Variants in ITGBL1 observed in about 807,000 individuals in gnomAD.
ITGBL1 encodes integrin subunit beta like 1.
Under a neutral mutation model 68.5 loss-of-function variants are expected in ITGBL1, and 51 were observed. The ratio of observed to expected loss-of-function variants is 0.74; its 90% CI spans 0.59 to 0.94. ITGBL1 has a LOEUF of 0.94. Ranked by LOEUF, ITGBL1 falls within the 40% of genes least tolerant of loss-of-function variation. The pLI is 0.00. For missense variants in ITGBL1, 649 were observed against 647.4 expected, an observed-to-expected ratio of 1.00 and a Z score of -0.03; for synonymous variants, 209 against 227.3, an observed-to-expected ratio of 0.92 and a Z score of 0.72.
At chr13:101,642,281 T>A (rs2032407629) in intron 7 of ITGBL1, among the ~76,000 whole-genome samples, 1 of 152,202 alleles carries the variant, frequency 6.6e-6, no homozygotes, top group Non-Finnish European at 1.5e-5. Flanking sequence ...GGTATCTCAT[T>A]GTGGTTTTGA....
rs548399713 is a variant in ITGBL1 at position 101,690,806 on chromosome 13, C to CA, written c.1016-1771dup. ...GTCATGGATCCTTCTGACATTTTAC[C>CA]AAAAAAAATGTGTATTGGTATATTT... is the stretch of plus-strand genomic sequence containing the variant. On this transcript the variant is annotated intron_variant, in intron 7 of 10. Coordinates refer to ENST00000376180, the MANE Select transcript of ITGBL1 (RefSeq NM_004791.3). Among the ~76,000 whole-genome samples, 15 of 151,618 alleles carry CA rather than the reference C, an allele frequency of 9.9e-5. No individual in the cohort carries two copies. The South Asian group carries it at 1.0e-3, about 11-fold the overall frequency.
At chr13:101,502,695 T>C (rs942402372) in intron 2 of ITGBL1, among the ~76,000 whole-genome samples, 2 of 152,190 alleles carry the variant, frequency 1.3e-5, no homozygotes, top group African/African-American at 4.8e-5. Context: ...ATGAGAGATA[T>C]GAGTAAACCA....
intron 2 of ITGBL1, among the ~76,000 whole-genome samples, chr13:101,557,256 G>T (rs571163110): frequency 1.3e-5 from 2 of 152,194 alleles, no homozygotes; most frequent in African/African-American, 4.8e-5. Context: ...ACACTGGAAG[G>T]CATGTTAAAT....
intron 2 of ITGBL1, among the ~76,000 whole-genome samples, chr13:101,560,348 C>T (rs1198968517): frequency 1.3e-5 from 2 of 152,112 alleles, no homozygotes; most frequent in African/African-American, 2.4e-5. Flanking sequence ...TGAATTTTAG[C>T]TGGCAGAGTC....
chr13:101,561,734 A>C (rs1188545992), intron 2 of ITGBL1, among the ~76,000 whole-genome samples: 2 of 152,194 alleles, frequency 1.3e-5, no homozygotes, highest in Non-Finnish European at 2.9e-5. Context: ...ATTGAATTCT[A>C]TATCCAGCAA....
At chr13:101,455,396 G>A (rs545485351) in intron 2 of ITGBL1, among the ~76,000 whole-genome samples, 181 of 152,296 alleles carry the variant, frequency 1.2e-3, no homozygotes, top group African/African-American at 4.1e-3. Context: ...GCTGGGTGGG[G>A]TGGCTCACAC....
rs547043886 is a variant in ITGBL1 at position 101,452,797 on chromosome 13, G to A, written c.-37G>A. 9 of 1,570,710 alleles carry A rather than the reference G, an allele frequency of 5.7e-6. No individual in the cohort carries two copies. The East Asian group carries it at 1.8e-4, about 31-fold the overall frequency. ...CTCCCTCGGTGAACCCCACCTTGCA[G>A]AAGTGCAGCTCGCCCGGAGCAGCCC... On this transcript the variant is annotated 5_prime_UTR_variant, in exon 1 of 11. Coordinates refer to ENST00000376180, the MANE Select transcript of ITGBL1 (RefSeq NM_004791.3).
chr13:101,497,126 A>G (rs1163263557), intron 2 of ITGBL1, among the ~76,000 whole-genome samples: 3 of 152,230 alleles, frequency 2.0e-5, no homozygotes, highest in Non-Finnish European at 4.4e-5. Context: ...TTACAGGATG[A>G]GAGAAGCTAG....
intron 2 of ITGBL1, among the ~76,000 whole-genome samples, chr13:101,531,229 AG>A (rs1279725510): frequency 6.6e-6 from 1 of 152,178 alleles, no homozygotes; most frequent in East Asian, 1.9e-4. Context: ...AGTGACTAAA[AG>A]TTATGGAATA....
intron 7 of ITGBL1, among the ~76,000 whole-genome samples, chr13:101,660,716 C>G (rs2033061529): frequency 6.6e-6 from 1 of 152,188 alleles, no homozygotes; most frequent in Non-Finnish European, 1.5e-5. Context: ...TGTGCGAAGA[C>G]AGCCACCCTT....
At chr13:101,654,735 T>C (rs1023716226) in intron 7 of ITGBL1, among the ~76,000 whole-genome samples, 5 of 152,120 alleles carry the variant, frequency 3.3e-5, no homozygotes, top group Admixed American at 3.3e-4. Context: ...GACATGTAGA[T>C]GTCATGTCTT....
chr13:101,639,028 A>G (rs73556071), intron 7 of ITGBL1, among the ~76,000 whole-genome samples: 12 of 152,306 alleles, frequency 7.9e-5, no homozygotes, highest in African/African-American at 2.6e-4. Context: ...ACAGTGTTAT[A>G]GGCAAGTAGA....
intron 2 of ITGBL1, among the ~76,000 whole-genome samples, chr13:101,484,556 G>A (rs879167902): frequency 6.6e-6 from 1 of 152,070 alleles, no homozygotes; most frequent in Admixed American, 6.5e-5. Context: ...TGAAGATGGA[G>A]CATTCGAAGC....
chr13:101,580,800 G>T (rs1233266410), intron 5 of ITGBL1, among the ~76,000 whole-genome samples: 10 of 152,182 alleles, frequency 6.6e-5, no homozygotes, highest in African/African-American at 9.6e-5. Context: ...TTAAGGTCAG[G>T]TTCTGCAGCA....
intron 2 of ITGBL1, among the ~76,000 whole-genome samples, chr13:101,484,737 C>T (rs1275671901): frequency 1.3e-5 from 2 of 151,976 alleles, no homozygotes; most frequent in Admixed American, 6.6e-5. Context: ...CATCAGTTAG[C>T]TGTGAAACAA....
intron 2 of ITGBL1, among the ~76,000 whole-genome samples, chr13:101,541,235 C>T (rs974283666): frequency 6.6e-6 from 1 of 151,150 alleles, no homozygotes; most frequent in Non-Finnish European, 1.5e-5. Context: ...CCCATCAATA[C>T]CTAATTTATT....
intron 2 of ITGBL1, among the ~76,000 whole-genome samples, chr13:101,521,601 A>G (rs1196738437): frequency 1.3e-5 from 2 of 151,946 alleles, no homozygotes; most frequent in Admixed American, 1.3e-4. Context: ...GGGACAGAAG[A>G]TGCCATGGAG....
chr13:101,453,870 G>T lies in ITGBL1; in HGVS notation c.99-13G>T. On this transcript the variant is annotated splice_polypyrimidine_tract_variant and intron_variant, in intron 1 of 10. Coordinates refer to ENST00000376180, the MANE Select transcript of ITGBL1 (RefSeq NM_004791.3). ...GTCTGACCCGGCCTGCCGGTTGCTT[G>T]TCGCCCGCGCAGGAGCTGGCCGGGC... is the stretch of plus-strand genomic sequence containing the variant. 2 of 1,236,384 alleles carry T rather than the reference G, an allele frequency of 1.6e-6. No individual in the cohort carries two copies. The highest frequency in any genetic ancestry group is 1.0e-6 in the Non-Finnish European group (1 of 991,966). The allele number at this position is 1,236,384 out of a possible 1,614,324, so 76.6% of individuals were successfully genotyped here. A position where few individuals can be genotyped will look rare whatever the true frequency, so the allele number is the denominator to read the frequency against.
Position 101,605,015 on chromosome 13 carries a change from T to C in ITGBL1, c.1015+6716T>C, listed in dbSNP as rs532271532. On this transcript the variant is annotated intron_variant, in intron 7 of 10. Transcript: ENST00000376180. ...ATATGTATATATACATATATGCGTA[T>C]ATGTGTATATGTATATATACATATA... 2.6e-3 allele frequency among the ~76,000 whole-genome samples: 349 copies of C among 134,056 alleles called. 2 individuals are homozygous for C. The highest frequency in any genetic ancestry group is 6.9e-3 in the African/African-American group (254 of 36,828). The allele number at this position is 134,056 out of a possible 152,430, so 87.9% of individuals were successfully genotyped here.
Sources: gnomAD v4.1 joint callset for allele counts (sites outside exome capture counted in the v4.1 genomes callset) on GRCh38, gnomAD v4.1.1 for gene constraint, MANE v1.5 for transcripts, NCBI Gene and HGNC (gene_info 2026-07-23, HGNC 2026-07-21) for gene names.